ANXA10: variants seen among roughly 807,000 people sequenced by gnomAD.
ANXA10 encodes the protein annexin 14.
In ANXA10, 49 loss-of-function variants were observed where a neutral mutation model predicts 53.5. That is an observed-to-expected ratio of 0.92 (90% CI 0.73 to 1.16). The LOEUF (loss-of-function observed/expected upper bound fraction) is 1.16, where lower values mean the gene tolerates loss of function less well. Among genes scored for constraint, ANXA10 ranks in the 50% most tolerant of loss-of-function variants. ANXA10 has a pLI of 0.00. For synonymous variants in ANXA10, 131 were observed against 128.9 expected (o/e 1.02, Z -0.11); for missense variants, 393 against 394.4 (o/e 1.00, Z 0.03).
rs748990765 is a variant in ANXA10 at position 168,092,671 on chromosome 4, T to C, written c.-30T>C. 1 of 1,584,308 alleles carries C rather than the reference T, an allele frequency of 6.3e-7. No homozygotes were observed. On this transcript the variant is annotated 5_prime_UTR_variant, in exon 1 of 12. Transcript: ENST00000359299. Reference sequence around the variant, plus strand: ...AGTTTATGCAATCGATCAAATATTTTCATCCCTGAGGTTAACAATTACCAT... The same window carrying C: ...AGTTTATGCAATCGATCAAATATTTCCATCCCTGAGGTTAACAATTACCAT...
intron 1 of ANXA10, among the ~76,000 whole-genome samples, chr4:168,100,136 GTGTAT>G (rs1730617086): frequency 6.6e-6 from 1 of 152,022 alleles, no homozygotes; most frequent in Non-Finnish European, 1.5e-5. Context: ...TAGTCAAATG[GTGTAT>G]TGTAATTAAA....
chr4:168,103,546 A>G (rs937969534), intron 1 of ANXA10, among the ~76,000 whole-genome samples: 1 of 151,952 alleles, frequency 6.6e-6, no homozygotes, highest in Non-Finnish European at 1.5e-5. Context: ...GCAGAGTTTC[A>G]TTAGTACTAC....
At position 168,162,624 on chromosome 4, in the gene ANXA10, C is replaced by T. The variant is rs1046415330; in HGVS notation, c.292C>T (p.Leu98Phe). 1.9e-6 allele frequency: 3 copies of T among 1,613,672 alleles called. No individual in the cohort carries two copies. The highest frequency in any genetic ancestry group is 1.3e-5 in the African/African-American group (1 of 74,904). Residue 98 changes from leucine to phenylalanine, a missense_variant, in exon 4 of 12, where the codon CTC becomes TTC. Physicochemically the swap from Leu to Phe is conservative, Grantham distance 22 (BLOSUM62 0). Transcript: ENST00000359299. ...ACCACCACTGTATGATGCTCATGAG[C>T]TCTGGCATGCCATGAAGGTAGTGAT... ...YPPPLYDAHE[L>F]WHAMKGVGTD...
intron 9 of ANXA10, 32 bp downstream of exon 9, chr4:168,179,344 C>A: frequency 6.9e-7 from 1 of 1,439,614 alleles, no homozygotes; most frequent in Admixed American, 1.8e-5. Flanking sequence ...GCACAACAGA[C>A]ATTTTATTTC....
At chr4:168,145,078 A>T (rs1459574829) in intron 3 of ANXA10, among the ~76,000 whole-genome samples, 1 of 152,120 alleles carries the variant, frequency 6.6e-6, no homozygotes, top group African/African-American at 2.4e-5. Context: ...AGGGAGTCAA[A>T]GCTGTCCTCC....
rs1248537503 is a variant in ANXA10, at chr4:168,155,740, C to CATATATT, written c.196-6775_196-6769dup. ...TTATATAATATAATATATGATATAT[C>CATATATT]ATATATTATATATTATATAATATAT... On this transcript the variant is annotated intron_variant, in intron 3 of 11. Transcript: ENST00000359299. Among the ~76,000 whole-genome samples, 74 of 30,508 alleles carry CATATATT rather than the reference C, an allele frequency of 2.4e-3. 8 individuals carry two copies. Among genetic ancestry groups the CATATATT allele is most frequent in the African/African-American group, 9.8e-3 (73 of 7,456 alleles). The allele number at this position is 30,508 out of a possible 152,430, so 20.0% of individuals were successfully genotyped here.
intron 1 of ANXA10, among the ~76,000 whole-genome samples, chr4:168,104,796 T>C (rs1451356193): frequency 6.6e-6 from 1 of 151,876 alleles, no homozygotes; most frequent in Non-Finnish European, 1.5e-5. Context: ...TAACTTTACT[T>C]CATTTTATTT....
intron 8 of ANXA10, among the ~76,000 whole-genome samples, chr4:168,178,489 A>ATAAAG (rs1732176969): frequency 6.6e-6 from 1 of 152,082 alleles, no homozygotes; most frequent in Admixed American, 6.6e-5. Context: ...TTTTTTCTAT[A>ATAAAG]TAAAGTACGC....
At chr4:168,149,930 G>A (rs1264760220) in intron 3 of ANXA10, among the ~76,000 whole-genome samples, 1 of 152,152 alleles carries the variant, frequency 6.6e-6, no homozygotes, top group Non-Finnish European at 1.5e-5. Flanking sequence ...CCTCATATGT[G>A]AGATTTCAGA....
At chr4:168,149,984 C>T (rs1731471239) in intron 3 of ANXA10, among the ~76,000 whole-genome samples, 1 of 152,168 alleles carries the variant, frequency 6.6e-6, no homozygotes, top group African/African-American at 2.4e-5. Context: ...TTCTCTTCTC[C>T]TCATACAGTG....
intron 2 of ANXA10, among the ~76,000 whole-genome samples, chr4:168,129,853 C>G (rs1028467998): frequency 6.6e-6 from 1 of 152,158 alleles, no homozygotes; most frequent in Non-Finnish European, 1.5e-5. Flanking sequence ...TTTATCACCA[C>G]TTGAAGATAC....
rs1031559655 is a variant in ANXA10, at chr4:168,139,340, G to A, written c.101-146G>A. 7.0e-6 allele frequency: 4 copies of A among 571,982 alleles called. No homozygotes were observed. In the African/African-American group the frequency reaches 7.4e-5, roughly 11 times the overall value. 35.4% of individuals were successfully genotyped at this position (571,982 alleles called of 1,614,324 possible). On this transcript the variant is annotated intron_variant, in intron 2 of 11. Transcript: ENST00000359299. ...CAGGCTTCATCAAGCATCATTACAT[G>A]ATTTCCAATTTTAGTTAAAATTGTT...
intron 3 of ANXA10, among the ~76,000 whole-genome samples, chr4:168,159,602 C>T (rs934664757): frequency 5.9e-5 from 9 of 152,044 alleles, no homozygotes; most frequent in Non-Finnish European, 1.3e-4. Context: ...TATGCTTGAG[C>T]CTATTTTGGT....
chr4:168,100,288 A>G (rs1327120094), intron 1 of ANXA10, among the ~76,000 whole-genome samples: 1 of 152,132 alleles, frequency 6.6e-6, no homozygotes, highest in African/African-American at 2.4e-5. Context: ...TTCTTCTCTC[A>G]TCTGATTTTG....
intron 3 of ANXA10, among the ~76,000 whole-genome samples, chr4:168,160,383 C>T (rs974712295): frequency 6.6e-6 from 1 of 152,094 alleles, no homozygotes; most frequent in Admixed American, 6.6e-5. Flanking sequence ...CTGAAAAGGA[C>T]ATAATCTCAT....
intron 1 of ANXA10, among the ~76,000 whole-genome samples, chr4:168,109,526 A>C (rs1730770551): frequency 6.6e-6 from 1 of 152,214 alleles, no homozygotes; most frequent in Non-Finnish European, 1.5e-5. Context: ...CCAATAATTC[A>C]AAGTATAAAA....
At chr4:168,118,530 C>T (rs1372089801) in intron 1 of ANXA10, among the ~76,000 whole-genome samples, 3 of 152,118 alleles carry the variant, frequency 2.0e-5, no homozygotes, top group Non-Finnish European at 4.4e-5. Flanking sequence ...TATGATGGCA[C>T]TAGTAGTGTT....
chr4:168,187,029 C>T (rs568064395), intron 11 of ANXA10, among the ~76,000 whole-genome samples: 128 of 152,102 alleles, frequency 8.4e-4, no homozygotes, highest in African/African-American at 3.0e-3. Flanking sequence ...CCACATTCTA[C>T]ATTCATTTAT....
chr4:168,113,018 A>G (rs1029728146), intron 1 of ANXA10, among the ~76,000 whole-genome samples: 9 of 151,736 alleles, frequency 5.9e-5, no homozygotes, highest in African/African-American at 1.9e-4. Flanking sequence ...GGGAGACTCC[A>G]TCGGAAAAAA....
Sources: gnomAD v4.1 joint callset for allele counts (sites outside exome capture counted in the v4.1 genomes callset) on GRCh38, gnomAD v4.1.1 for gene constraint, MANE v1.5 for transcripts, NCBI Gene and HGNC (gene_info 2026-07-23, HGNC 2026-07-21) for gene names.